The following PIKFYVE variants were observed in gnomAD, a reference collection of about 807,000 sequenced individuals.
PIKFYVE encodes the protein 1-phosphatidylinositol 3-phosphate 5-kinase.
A neutral mutation model predicts 257.9 loss-of-function variants in PIKFYVE; 122 were observed. The ratio of observed to expected loss-of-function variants is 0.47; its 90% CI spans 0.41 to 0.55. The LOEUF (loss-of-function observed/expected upper bound fraction) is 0.55, where lower values mean the gene tolerates loss of function less well. PIKFYVE is among the 20% of genes least tolerant of loss of function. The pLI is 0.00. For synonymous variants in PIKFYVE, 892 were observed against 868.9 expected (o/e 1.03, Z -0.47); for missense variants, 2,160 against 2,536.6 (o/e 0.85, Z 3.19).
In PIKFYVE at chr2:208,305,078, C is replaced by T. The variant is rs1033950559; in HGVS notation, c.1636+65C>T. ...GACAGCTGGGCCATAGGATCTCATG[C>T]CAGCCTGTCCTTCTGGCTTCCTCTG... On this transcript the variant is annotated intron_variant, in intron 12 of 41. Coordinates refer to ENST00000264380, the MANE Select transcript of PIKFYVE (RefSeq NM_015040.4). The T allele has an allele frequency of 1.6e-5, 25 of 1,604,726 alleles. 1 individual carries two copies. In the South Asian group the frequency reaches 2.4e-4, roughly 16 times the overall value.
chr2:208,311,907 G>A (rs149286771), intron 12 of PIKFYVE, among the ~76,000 whole-genome samples: 272 of 152,262 alleles, frequency 1.8e-3, no homozygotes, highest in African/African-American at 5.9e-3. Context: ...TAGGATGGTC[G>A]TACAAGTATC....
intron 15 of PIKFYVE, among the ~76,000 whole-genome samples, chr2:208,317,446 C>T (rs1695669628): frequency 6.6e-6 from 1 of 151,106 alleles, no homozygotes; most frequent in South Asian, 2.1e-4. Context: ...TTTTTAAGCT[C>T]ATCAGCTGTT....
rs2125769038 is a variant in PIKFYVE, at chr2:208,346,110, A to G, written c.5172A>G (p.Gly1724=). 4 of 1,613,364 alleles carry G rather than the reference A, an allele frequency of 2.5e-6. No homozygotes were observed. The highest frequency in any genetic ancestry group is 1.7e-4 in the Middle Eastern group (1 of 6,056). ...TCAGATTACCTGAAATGAGTGGAGGACAGACAAATCGTACAACAGAAACAG... is the reference window on the plus strand; with the variant it reads ...TCAGATTACCTGAAATGAGTGGAGGGCAGACAAATCGTACAACAGAAACAG... ...SPIRLPEMSG[G]QTNRTTETEP... Residue 1724 remains glycine (G), a synonymous_variant, in exon 34 of 42, where the codon GGA becomes GGG. Transcript: ENST00000264380.
At chr2:208,318,571 T>C (rs1695830512) in intron 16 of PIKFYVE, among the ~76,000 whole-genome samples, 1 of 152,200 alleles carries the variant, frequency 6.6e-6, no homozygotes, top group South Asian at 2.1e-4. Context: ...CATGTGGACC[T>C]TTTAAAAATG....
At chr2:208,290,062 G>T (rs953095089) in intron 7 of PIKFYVE, among the ~76,000 whole-genome samples, 1 of 152,158 alleles carries the variant, frequency 6.6e-6, no homozygotes, top group African/African-American at 2.4e-5. Context: ...CAATCTTCAT[G>T]ACTATCGGTG....
At chr2:208,305,090 T>A in intron 12 of PIKFYVE, 77 bp downstream of exon 12, 1 of 1,594,404 alleles carries the variant, frequency 6.3e-7, no homozygotes, top group Non-Finnish European at 8.5e-7. Flanking sequence ...AGCCTGTCCT[T>A]CTGGCTTCCT....
intron 17 of PIKFYVE, among the ~76,000 whole-genome samples, chr2:208,323,079 TTTTTTA>T (rs1391763011): frequency 6.0e-5 from 9 of 151,160 alleles, no homozygotes; most frequent in Non-Finnish European, 1.2e-4. Context: ...CCACATTTTC[TTTTTTA>T]TTTTTATTTT....
chr2:208,323,261 T>G, intron 17 of PIKFYVE, among the ~76,000 whole-genome samples: 1 of 70,552 alleles, frequency 1.4e-5, no homozygotes, highest in African/African-American at 5.5e-5. Flanking sequence ...TCCTCCCCCC[T>G]CCCCCCACCC....
chr2:208,358,455 CATT>C lies in PIKFYVE; in HGVS notation c.*3152_*3154del, dbSNP rs531451527. 5 of 150,762 alleles carry C rather than the reference CATT, an allele frequency of 3.3e-5. No homozygotes were observed. Among genetic ancestry groups the C allele is most frequent in the Non-Finnish European group, 7.4e-5 (5 of 67,780 alleles). 9.3% of individuals were successfully genotyped at this position (150,762 alleles called of 1,614,324 possible). A position where few individuals can be genotyped will look rare whatever the true frequency, so the allele number is the denominator to read the frequency against. On this transcript the variant is annotated 3_prime_UTR_variant, in exon 42 of 42. Coordinates refer to ENST00000264380, the MANE Select transcript of PIKFYVE (RefSeq NM_015040.4). The stretch of plus-strand genomic sequence containing the variant: ...TTATAGAAAAAATAAAAACTACAAT[CATT>C]AGCAGTTTTAATACTGCTGTGTCAG...
intron 13 of PIKFYVE, 26 bp downstream of exon 13, chr2:208,312,321 G>A (rs557585782): frequency 6.4e-7 from 1 of 1,557,788 alleles, no homozygotes; most frequent in South Asian, 1.1e-5. Context: ...GCTGTATGTG[G>A]AATGGTGTCT....
chr2:208,333,950 A>G (rs1444845211), intron 24 of PIKFYVE, among the ~76,000 whole-genome samples: 1 of 152,144 alleles, frequency 6.6e-6, no homozygotes, highest in Non-Finnish European at 1.5e-5. Context: ...GCCCTGGCCT[A>G]ACTCTTAACC....
chr2:208,301,134 T>C (rs1312364411), intron 9 of PIKFYVE, 40 bp downstream of exon 9: 16 of 1,604,602 alleles, frequency 1.0e-5, no homozygotes, highest in African/African-American at 1.3e-5. Flanking sequence ...ATTTGTTTAT[T>C]TTGAATGAGA....
rs1384780575 is a variant in PIKFYVE at position 208,350,235 on chromosome 2, AAC to A, written c.5434+154_5434+155del. The A allele has an allele frequency of 3.5e-6, 4 of 1,136,298 alleles. No homozygotes were observed. In the East Asian group the frequency reaches 1.0e-4, roughly 29 times the overall value. 70.4% of individuals were successfully genotyped at this position (1,136,298 alleles called of 1,614,324 possible). On this transcript the variant is annotated intron_variant, in intron 36 of 41. Transcript: ENST00000264380. ...ATGCTGACATGAGGTATATTTAATC[AAC>A]AGTTTATAAAATATAAATTTAATTT...
intron 1 of PIKFYVE, among the ~76,000 whole-genome samples, chr2:208,268,308 C>G (rs1688935683): frequency 6.6e-6 from 1 of 151,810 alleles, no homozygotes; most frequent in Non-Finnish European, 1.5e-5. Context: ...AATTCTAAGA[C>G]TCTTTAGGCA....
intron 10 of PIKFYVE, 36 bp downstream of exon 10, chr2:208,302,389 C>T: frequency 6.6e-7 from 1 of 1,515,054 alleles, no homozygotes; most frequent in South Asian, 1.1e-5. Context: ...TAGAATGTAG[C>T]AAGCTTATTT....
intron 5 of PIKFYVE, among the ~76,000 whole-genome samples, chr2:208,279,998 AT>A (rs568341271): frequency 2.0e-5 from 3 of 151,932 alleles, no homozygotes; most frequent in South Asian, 2.1e-4. Context: ...TTTAAAATAC[AT>A]TTTTTTTACC....
intron 20 of PIKFYVE, among the ~76,000 whole-genome samples, chr2:208,326,847 AAGTT>A (rs1696983326): frequency 6.6e-6 from 1 of 152,200 alleles, no homozygotes. Flanking sequence ...TTCTCAAAAA[AAGTT>A]AGCTCTTTTT....
chr2:208,334,734 T>A (rs1010906060), intron 24 of PIKFYVE, among the ~76,000 whole-genome samples: 18 of 152,328 alleles, frequency 1.2e-4, no homozygotes, highest in African/African-American at 4.3e-4. Flanking sequence ...TTTCCTAAAT[T>A]ATGAGAACAG....
chr2:208,323,195 G>A (rs2125559207), intron 17 of PIKFYVE, among the ~76,000 whole-genome samples: 1 of 149,846 alleles, frequency 6.7e-6, no homozygotes, highest in African/African-American at 2.5e-5. Flanking sequence ...GTGCCGTGCT[G>A]GTGTGCTGTA....
Sources: allele counts gnomAD v4.1 joint callset (sites outside exome capture counted in the v4.1 genomes callset), GRCh38; gene constraint gnomAD v4.1.1; transcripts MANE v1.5; gene names NCBI Gene and HGNC (gene_info 2026-07-23, HGNC 2026-07-21).